MOGAT1: variants seen among roughly 807,000 people sequenced by gnomAD.
The protein encoded by MOGAT1 is monoacylglycerol O-acyltransferase 1, also known as 2-acylglycerol O-acyltransferase 1.
A neutral mutation model predicts 31.4 loss-of-function variants in MOGAT1; 32 were observed. That is an observed-to-expected ratio of 1.02 (90% CI 0.77 to 1.37). MOGAT1 has a LOEUF of 1.37. MOGAT1 is among the 40% of genes most tolerant of loss of function. The pLI is 0.00. For synonymous variants in MOGAT1, 145 were observed against 144.5 expected (o/e 1.00, Z -0.03); for missense variants, 426 against 402.0 (o/e 1.06, Z -0.51).
intron 1 of MOGAT1, among the ~76,000 whole-genome samples, chr2:222,687,126 A>T (rs1692683372): frequency 8.3e-6 from 1 of 120,568 alleles, no homozygotes; most frequent in Non-Finnish European, 1.7e-5. Flanking sequence ...AAAAAAAAAA[A>T]AAAAAAAAAA....
chr2:222,704,334 G>A (rs1318393438), intron 5 of MOGAT1, among the ~76,000 whole-genome samples: 2 of 152,074 alleles, frequency 1.3e-5, no homozygotes, highest in Non-Finnish European at 2.9e-5. Flanking sequence ...ACCCTTTTAA[G>A]AGTATCCCGG....
intron 1 of MOGAT1, 145 bp downstream of exon 1, chr2:222,672,024 A>G (rs1018697429): frequency 1.1e-4 from 70 of 629,624 alleles, no homozygotes; most frequent in African/African-American, 1.1e-3. Context: ...ATTTGGAGCT[A>G]ACGTGGACTC....
chr2:222,681,867 A>G (rs962674813), intron 1 of MOGAT1, among the ~76,000 whole-genome samples: 2 of 152,166 alleles, frequency 1.3e-5, no homozygotes, highest in Non-Finnish European at 2.9e-5. Flanking sequence ...TTGATCAGGA[A>G]ATTACAACCG....
chr2:222,699,452 T>C (rs1392830464), intron 5 of MOGAT1: 1 of 152,266 alleles, frequency 6.6e-6, no homozygotes, highest in Non-Finnish European at 1.5e-5. Context: ...AACTTCATGT[T>C]CTGGGCTGGA....
chr2:222,687,823 A>C (rs1283815867), intron 1 of MOGAT1, among the ~76,000 whole-genome samples: 2 of 152,104 alleles, frequency 1.3e-5, no homozygotes, highest in Admixed American at 6.5e-5. Context: ...GGAAGATGGA[A>C]TTTTCTGTAG....
intron 1 of MOGAT1, among the ~76,000 whole-genome samples, chr2:222,679,116 T>C (rs190594212): frequency 5.9e-5 from 9 of 152,316 alleles, no homozygotes; most frequent in African/African-American, 2.2e-4. Flanking sequence ...TATAATCCAA[T>C]GGTTCCAGCT....
chr2:222,671,940 C>T lies in MOGAT1; in HGVS notation c.94+61C>T, dbSNP rs1433741507. The T allele has an allele frequency of 4.4e-6, 6 of 1,364,206 alleles. No individual in the cohort carries two copies. In the Admixed American group the frequency reaches 1.2e-4, roughly 27 times the overall value. 84.5% of individuals were successfully genotyped at this position (1,364,206 alleles called of 1,614,324 possible). A position where few individuals can be genotyped will look rare whatever the true frequency, so the allele number is the denominator to read the frequency against. On this transcript the variant is annotated intron_variant, in intron 1 of 5. Transcript: ENST00000446656. ...CTCCATATCCTCCCTCGGGACGGTC[C>T]GGATTCCAGGACCTGCATAGAACCT...
chr2:222,701,596 A>AAGAAAGAAAGGGAGGGAGGG (rs1692930362), intron 5 of MOGAT1, among the ~76,000 whole-genome samples: 93 of 139,070 alleles, frequency 6.7e-4, no homozygotes, highest in African/African-American at 2.4e-3. Flanking sequence ...GAAAGAAAGA[A>AAGAAAGAAAGGGAGGGAGGG]AGGGAGGGAG....
intron 5 of MOGAT1, chr2:222,699,077 C>T (rs1164034485): frequency 6.8e-6 from 1 of 147,852 alleles, no homozygotes; most frequent in African/African-American, 2.5e-5. Flanking sequence ...GATCTCTGCT[C>T]ACTGCAACCT....
intron 3 of MOGAT1, among the ~76,000 whole-genome samples, chr2:222,689,706 G>A (rs115106053): frequency 0.013 from 1,974 of 152,226 alleles, 46 homozygotes; most frequent in African/African-American, 0.045. Flanking sequence ...CATGGTGCCT[G>A]GAACATAGAA....
At chr2:222,678,678 T>C (rs980807573) in intron 1 of MOGAT1, among the ~76,000 whole-genome samples, 1 of 152,186 alleles carries the variant, frequency 6.6e-6, no homozygotes, top group Admixed American at 6.5e-5. Context: ...TGCTGGCTCA[T>C]GCCTGTAATC....
In MOGAT1 at chr2:222,703,531, A is replaced by G. The variant is rs375791809; in HGVS notation, c.854-6205A>G. 1.2e-4 allele frequency among the ~76,000 whole-genome samples: 19 copies of G among 152,264 alleles called. No individual in the cohort carries two copies. In the East Asian group the frequency reaches 3.5e-3, roughly 28 times the overall value. ...ACCCAGGACAACATATCAAGTGCTCAATGAATGTTCATGAGTGAGTGTGTC... is the reference window on the plus strand; with the variant it reads ...ACCCAGGACAACATATCAAGTGCTCGATGAATGTTCATGAGTGAGTGTGTC... On this transcript the variant is annotated intron_variant, in intron 5 of 5. Transcript: ENST00000446656.
chr2:222,683,848 A>G (rs1277063915), intron 1 of MOGAT1, among the ~76,000 whole-genome samples: 4 of 152,236 alleles, frequency 2.6e-5, no homozygotes, highest in African/African-American at 9.6e-5. Context: ...AATCCAGAAT[A>G]GAGATAAATC....
intron 5 of MOGAT1, 149 bp downstream of exon 5, chr2:222,695,437 A>G: frequency 1.8e-6 from 1 of 555,212 alleles, no homozygotes. Flanking sequence ...TGTTTCTGGT[A>G]TTCCTTTTAT....
intron 3 of MOGAT1, among the ~76,000 whole-genome samples, chr2:222,692,281 TAC>T (rs1344937868): frequency 3.3e-5 from 5 of 152,244 alleles, no homozygotes; most frequent in African/African-American, 1.2e-4. Context: ...AAATATTTGA[TAC>T]AGTCTCTAAG....
chr2:222,708,843 T>G (rs1693069359), intron 5 of MOGAT1, among the ~76,000 whole-genome samples: 1 of 152,234 alleles, frequency 6.6e-6, no homozygotes, highest in Non-Finnish European at 1.5e-5. Context: ...ATTTATATTA[T>G]TTCATTGTTT....
rs1381824682 is a variant in MOGAT1 at position 222,694,048 on chromosome 2, CT to C, written c.479-312del. On this transcript the variant is annotated intron_variant, in intron 3 of 5. Coordinates refer to ENST00000446656, the MANE Select transcript of MOGAT1 (RefSeq NM_058165.3). ...ACTCCAGGGGCAGGGGATCCTTTTA[CT>C]TAGAATGCAATATAAATGGTGTCCT... is the stretch of plus-strand genomic sequence containing the variant. Among the ~76,000 whole-genome samples, 5 of 152,256 alleles carry C rather than the reference CT, an allele frequency of 3.3e-5. No homozygotes were observed. In the East Asian group the frequency reaches 9.7e-4, roughly 29 times the overall value.
chr2:222,679,658 T>C (rs1692549993), intron 1 of MOGAT1, among the ~76,000 whole-genome samples: 1 of 152,230 alleles, frequency 6.6e-6, no homozygotes, highest in African/African-American at 2.4e-5. Context: ...ATGTCCTGTA[T>C]AGCAAAGGAA....
Position 222,709,821 on chromosome 2 carries a change from T to C in MOGAT1, c.939T>C (p.Leu313=). ...TACATCAGACCTATATGGAGGAACT[T>C]AGGAAATTGTTTGAGGAACACAAAG... The part of the protein sequence containing the change: ...EELHQTYMEE[L]RKLFEEHKGK... Residue 313 remains leucine (L), a synonymous_variant, in exon 6 of 6, where the codon CTT becomes CTC. Coordinates refer to ENST00000446656, the MANE Select transcript of MOGAT1 (RefSeq NM_058165.3). 6.2e-7 allele frequency: 1 copy of C among 1,613,466 alleles called. No individual in the cohort carries two copies. Among genetic ancestry groups the C allele is most frequent in the East Asian group, 2.2e-5 (1 of 44,858 alleles).
Sources: gnomAD v4.1 joint callset for allele counts (sites outside exome capture counted in the v4.1 genomes callset) on GRCh38, gnomAD v4.1.1 for gene constraint, MANE v1.5 for transcripts, NCBI Gene and HGNC (gene_info 2026-07-23, HGNC 2026-07-21) for gene names.